GABBR2: variants seen among roughly 807,000 people sequenced by gnomAD.
GABBR2 encodes G-protein coupled receptor 51.
Under a neutral mutation model 105.6 loss-of-function variants are expected in GABBR2, and 23 were observed. That is an observed-to-expected ratio of 0.22 (90% CI 0.16 to 0.31). GABBR2 has a LOEUF of 0.31. Among genes scored for constraint, GABBR2 ranks in the 10% least tolerant of loss-of-function variants. The probability of loss-of-function intolerance (pLI) is 1.00; values close to 1 mark genes in which losing one functional copy is unlikely to be tolerated. For missense variants in GABBR2, 734 were observed against 1,245.5 expected, an observed-to-expected ratio of 0.59 and a Z score of 6.18; for synonymous variants, 478 against 499.7, an observed-to-expected ratio of 0.96 and a Z score of 0.58.
At chr9:98,509,951 T>C (rs1227737465) in intron 3 of GABBR2, among the ~76,000 whole-genome samples, 1 of 151,958 alleles carries the variant, frequency 6.6e-6, no homozygotes, top group Non-Finnish European at 1.5e-5. Flanking sequence ...GAAGAGCAAC[T>C]CCAAGACACA....
intron 8 of GABBR2, among the ~76,000 whole-genome samples, chr9:98,399,348 T>C: frequency 7.8e-6 from 1 of 128,968 alleles, no homozygotes; most frequent in African/African-American, 3.3e-5. Flanking sequence ...CAAGACTCCA[T>C]CTCAAAAAAA....
intron 1 of GABBR2, among the ~76,000 whole-genome samples, chr9:98,690,162 G>A (rs942319758): frequency 7.1e-6 from 1 of 141,278 alleles, no homozygotes; most frequent in East Asian, 1.9e-4. Context: ...CTTAACTTTG[G>A]TCAAGGACTT....
intron 3 of GABBR2, among the ~76,000 whole-genome samples, chr9:98,528,181 A>G (rs1827997323): frequency 6.6e-6 from 1 of 152,088 alleles, no homozygotes; most frequent in African/African-American, 2.4e-5. Context: ...GGCCTAAAGC[A>G]TAAGCAAAAG....
chr9:98,582,005 T>C (rs1299991666), intron 1 of GABBR2, among the ~76,000 whole-genome samples: 2 of 152,228 alleles, frequency 1.3e-5, no homozygotes, highest in African/African-American at 4.8e-5. Context: ...TGGAGAATCT[T>C]ACAACGTTCC....
At chr9:98,696,956 T>TG (rs760001006) in intron 1 of GABBR2, among the ~76,000 whole-genome samples, 73 of 151,890 alleles carry the variant, frequency 4.8e-4, no homozygotes, top group Non-Finnish European at 9.1e-4. Context: ...GGCAAGCAGT[T>TG]GGGGGTGAAA....
intron 2 of GABBR2, among the ~76,000 whole-genome samples, chr9:98,565,418 G>A (rs1283435380): frequency 1.3e-5 from 2 of 152,174 alleles, no homozygotes; most frequent in Non-Finnish European, 2.9e-5. Flanking sequence ...CCAGGCTTAA[G>A]GCAGGCACTG....
At chr9:98,447,565 G>C (rs1158914162) in intron 7 of GABBR2, among the ~76,000 whole-genome samples, 1 of 150,458 alleles carries the variant, frequency 6.6e-6, no homozygotes, top group African/African-American at 2.5e-5. Context: ...GTGTGTGTGT[G>C]TGTGTGTGTA....
At chr9:98,423,113 T>G (rs1006959980) in intron 7 of GABBR2, among the ~76,000 whole-genome samples, 12 of 152,220 alleles carry the variant, frequency 7.9e-5, no homozygotes, top group East Asian at 3.9e-4. Context: ...TTATAGTCCT[T>G]TGGGTATATA....
In GABBR2 at chr9:98,620,980, G is replaced by A. The variant is rs182296472; in HGVS notation, c.322-42908C>T. On this transcript the variant is annotated intron_variant, in intron 1 of 18. Coordinates refer to ENST00000259455, the MANE Select transcript of GABBR2 (RefSeq NM_005458.8). The stretch of plus-strand genomic sequence containing the variant: ...AAACATGTGAAACACTAGGCACAAC[G>A]GCAGGCACAGCAATGGCTCAGTGGG... Among the ~76,000 whole-genome samples the A allele has an allele frequency of 6.1e-4, 93 of 152,270 alleles. 1 individual carries two copies. Among genetic ancestry groups the A allele is most frequent in the South Asian group, 4.2e-4 (2 of 4,818 alleles).
rs764133946 is a variant in GABBR2, at chr9:98,541,994, G to C, written c.509C>G (p.Pro170Arg). Residue 170 changes from proline (P) to arginine (R), a missense_variant, in exon 3 of 19, where the codon CCT (proline) becomes CGT (arginine). Pro to Arg is a moderately radical substitution (Grantham distance 103, BLOSUM62 -2). Transcript: ENST00000259455. ...TGATGGGACGGTCCGAAAGAAATAA[G>C]GGTATTTTTTCTTATCGGCTAGAAC... ...TPVLADKKKY[P>R]YFFRTVPSDN... 1.9e-6 allele frequency: 3 copies of C among 1,613,912 alleles called. No homozygotes were observed. In the South Asian group the frequency reaches 3.3e-5, roughly 18 times the overall value.
rs34701111 is a variant in GABBR2, at chr9:98,293,826, T to C, written c.2619A>G (p.Arg873=). 0.015 allele frequency: 24,509 copies of C among 1,610,204 alleles called. 3,332 individuals carry two copies. In the African/African-American group the frequency reaches 0.29, roughly 19 times the overall value. The change falls in exon 18 of 19, where the codon CGA becomes CGG. Residue 873 remains arginine (R), a synonymous_variant. Transcript: ENST00000259455. The stretch of plus-strand genomic sequence containing the variant: ...TATCTTCTATAGGATCTTTGCATGT[T>C]CGAGAGGGCTCTGTTGTGTTCCACT... ...QLQWNTTEPS[R]TCKDPIEDIN... is the part of the protein sequence containing the mutation.
intron 11 of GABBR2, among the ~76,000 whole-genome samples, chr9:98,385,391 G>A (rs1003146177): frequency 8.5e-5 from 13 of 152,068 alleles, no homozygotes; most frequent in African/African-American, 3.1e-4. Flanking sequence ...ATTTTTTGTA[G>A]AGACAGGGTT....
rs867095320 is a variant in GABBR2 at position 98,380,268 on chromosome 9, C to G, written c.1662+5372G>C. Among the ~76,000 whole-genome samples the G allele has an allele frequency of 3.7e-4, 56 of 152,326 alleles. 1 individual carries two copies. The highest frequency in any genetic ancestry group is 1.1e-3 in the African/African-American group (47 of 41,556). ...ACAGGAAGCTGTTACTACCCCACGCCCAGGAATGCTTCTGAGAGCCCAGGA... is the reference window on the plus strand; with the variant it reads ...ACAGGAAGCTGTTACTACCCCACGCGCAGGAATGCTTCTGAGAGCCCAGGA... On this transcript the variant is annotated intron_variant, in intron 11 of 18. Transcript: ENST00000259455.
At position 98,290,622 on chromosome 9, in the gene GABBR2, C is replaced by G; in HGVS notation, c.2788G>C (p.Val930Leu). The change falls in exon 19 of 19, where the codon GTG becomes CTG. Residue 930 changes from valine to leucine, a missense_variant. Physicochemically the swap from Val to Leu is conservative, Grantham distance 32. Coordinates refer to ENST00000259455, the MANE Select transcript of GABBR2 (RefSeq NM_005458.8). ...SPTASPRHRH[V>L]PPSFRVMVSG... The stretch of plus-strand genomic sequence containing the variant: ...ACCATGACTCGGAAGGAGGGTGGCA[C>G]ATGTCTGTGGCGGGGGCTGGCGGTG... The G allele has an allele frequency of 6.9e-7, 1 of 1,441,520 alleles. No homozygotes were observed. Among genetic ancestry groups the G allele is most frequent in the Non-Finnish European group, 9.1e-7 (1 of 1,100,454 alleles). 89.3% of individuals were successfully genotyped at this position (1,441,520 alleles called of 1,614,324 possible).
At chr9:98,450,658 C>T (rs1262043073) in intron 7 of GABBR2, among the ~76,000 whole-genome samples, 1 of 152,130 alleles carries the variant, frequency 6.6e-6, no homozygotes, top group Non-Finnish European at 1.5e-5. Context: ...CTCATCTACA[C>T]CACAAAAGCA....
intron 1 of GABBR2, among the ~76,000 whole-genome samples, chr9:98,669,345 T>C (rs1830378298): frequency 1.3e-5 from 2 of 152,192 alleles, no homozygotes; most frequent in African/African-American, 2.4e-5. Context: ...TTAATGGCCA[T>C]TCGTTTATCT....
chr9:98,703,764 G>C (rs1010555901), intron 1 of GABBR2, among the ~76,000 whole-genome samples: 1 of 151,716 alleles, frequency 6.6e-6, no homozygotes, highest in Non-Finnish European at 1.5e-5. Context: ...AAAATGCTGA[G>C]ATTACAGGCA....
At chr9:98,356,156 A>G (rs891567785) in intron 13 of GABBR2, among the ~76,000 whole-genome samples, 1 of 152,212 alleles carries the variant, frequency 6.6e-6, no homozygotes, top group Non-Finnish European at 1.5e-5. Context: ...TGATACATCA[A>G]AAGTATGATC....
chr9:98,294,349 A>C (rs1830347820), intron 17 of GABBR2, among the ~76,000 whole-genome samples: 2 of 152,194 alleles, frequency 1.3e-5, no homozygotes, highest in African/African-American at 4.8e-5. Context: ...GAATAAATGG[A>C]CATAATCTTA....
Sources: allele counts gnomAD v4.1 joint callset (sites outside exome capture counted in the v4.1 genomes callset), GRCh38; gene constraint gnomAD v4.1.1; transcripts MANE v1.5; gene names NCBI Gene and HGNC (gene_info 2026-07-23, HGNC 2026-07-21).